The following RAPGEF5 variants were observed in gnomAD, a reference collection of about 807,000 sequenced individuals.
RAPGEF5 encodes the protein M-Ras-regulated GEF.
In RAPGEF5, 65 loss-of-function variants were observed where a neutral mutation model predicts 125.2. That is an observed-to-expected ratio of 0.52 (90% CI 0.43 to 0.64). RAPGEF5 has a LOEUF of 0.64. RAPGEF5 is among the 30% of genes least tolerant of loss of function. The probability of loss-of-function intolerance (pLI) is 0.00; values close to 1 mark genes in which losing one functional copy is unlikely to be tolerated. For missense variants in RAPGEF5, 958 were observed against 1,048.1 expected, an observed-to-expected ratio of 0.91 and a Z score of 1.19; for synonymous variants, 391 against 385.9, an observed-to-expected ratio of 1.01 and a Z score of -0.16.
chr7:22,150,903 T>C (rs1562720107), intron 17 of RAPGEF5, among the ~76,000 whole-genome samples: 1 of 152,230 alleles, frequency 6.6e-6, no homozygotes, highest in African/African-American at 2.4e-5. Flanking sequence ...AATAATTGCA[T>C]TGATTTGCAA....
rs899020912 is a variant in RAPGEF5, at chr7:22,118,788, A to G, written c.*3618T>C. The G allele has an allele frequency of 3.9e-5, 6 of 152,580 alleles. No homozygotes were observed. Among genetic ancestry groups the G allele is most frequent in the African/African-American group, 1.4e-4 (6 of 41,410 alleles). 9.5% of individuals were successfully genotyped at this position (152,580 alleles called of 1,614,324 possible). A position where few individuals can be genotyped will look rare whatever the true frequency, so the allele number is the denominator to read the frequency against. On this transcript the variant is annotated 3_prime_UTR_variant, in exon 26 of 26. Coordinates refer to ENST00000665637, the MANE Select transcript of RAPGEF5 (RefSeq NM_012294.5). ...AGTGTGATACGAATACAATAAATAG[A>G]CTATGCAAATAAATATTACTCTGCT...
chr7:22,228,052 A>T (rs1333002444), intron 8 of RAPGEF5, among the ~76,000 whole-genome samples: 1 of 152,228 alleles, frequency 6.6e-6, no homozygotes, highest in Non-Finnish European at 1.5e-5. Context: ...TACTTTAAAT[A>T]TTCCAACCAA....
rs374244510 is a variant in RAPGEF5, at chr7:22,156,906, G to C, written c.1558-18C>G. 1.9e-6 allele frequency: 3 copies of C among 1,613,700 alleles called. No individual in the cohort carries two copies. The African/African-American group carries it at 4.0e-5, about 22-fold the overall frequency. On this transcript the variant is annotated intron_variant, in intron 15 of 25. Transcript: ENST00000665637. ...GCTTTATTCTGTGAGATGGGAGAAA[G>C]AGAACAATGAATGAATACATTCCTG...
chr7:22,264,723 C>T (rs576681066), intron 7 of RAPGEF5, among the ~76,000 whole-genome samples: 28 of 152,270 alleles, frequency 1.8e-4, no homozygotes, highest in African/African-American at 5.8e-4. Flanking sequence ...CTTTCCAATC[C>T]CACTCTGTGT....
At chr7:22,292,349 C>G (rs1782954674) in intron 5 of RAPGEF5, among the ~76,000 whole-genome samples, 1 of 152,156 alleles carries the variant, frequency 6.6e-6, no homozygotes, top group Non-Finnish European at 1.5e-5. Flanking sequence ...AAAGTCCCAC[C>G]CTTCAAATCA....
intron 3 of RAPGEF5, among the ~76,000 whole-genome samples, chr7:22,310,673 A>G (rs1182422374): frequency 1.3e-5 from 2 of 152,002 alleles, no homozygotes; most frequent in African/African-American, 4.8e-5. Flanking sequence ...TTTGTTTGCT[A>G]TTCTTCAAAC....
At chr7:22,328,915 G>A (rs1045583875) in intron 1 of RAPGEF5, among the ~76,000 whole-genome samples, 5 of 152,204 alleles carry the variant, frequency 3.3e-5, no homozygotes, top group Admixed American at 1.3e-4. Flanking sequence ...GAAGCAACCT[G>A]ATTGCCTCAA....
Position 22,131,059 on chromosome 7 carries a change from T to G in RAPGEF5, c.2459A>C (p.Asn820Thr). The G allele has an allele frequency of 6.5e-7, 1 of 1,537,400 alleles. No individual in the cohort carries two copies. The highest frequency in any genetic ancestry group is 8.8e-7 in the Non-Finnish European group (1 of 1,141,406). ...IHEGNKTFLDNLVNFEKLHMI... is the reference protein window; with the variant it reads ...IHEGNKTFLDTLVNFEKLHMI... The stretch of plus-strand genomic sequence containing the variant: ...TACCAGCTTTTCAAAATTGACAAGA[T>G]TATCCAAAAAAGTTTTATTTCCTTC... Residue 820 changes from asparagine (N) to threonine (T), a missense_variant, in exon 24 of 26, where the codon AAT becomes ACT. Transcript: ENST00000665637.
chr7:22,143,194 AT>A (rs1386757326), intron 20 of RAPGEF5, among the ~76,000 whole-genome samples: 6 of 152,084 alleles, frequency 3.9e-5, no homozygotes, highest in Non-Finnish European at 8.8e-5. Flanking sequence ...CAATGGCCAA[AT>A]TTTTTTAAAA....
chr7:22,325,792 G>A (rs1281253821), intron 1 of RAPGEF5, among the ~76,000 whole-genome samples: 1 of 152,166 alleles, frequency 6.6e-6, no homozygotes, highest in Non-Finnish European at 1.5e-5. Context: ...TCAAACTCCT[G>A]AGATCAAGCA....
intron 8 of RAPGEF5, among the ~76,000 whole-genome samples, chr7:22,223,267 G>A (rs1035157068): frequency 2.6e-5 from 4 of 152,118 alleles, no homozygotes; most frequent in Non-Finnish European, 5.9e-5. Flanking sequence ...CTTCAAGGAG[G>A]AAGAAGTGAA....
At chr7:22,337,776 A>G (rs7794152) in intron 1 of RAPGEF5, among the ~76,000 whole-genome samples, 91,312 of 152,006 alleles carry the variant, frequency 0.6, 27,750 homozygotes, top group East Asian at 0.87. Flanking sequence ...CCAGTGGGGA[A>G]TACAGCAGTG....
intron 7 of RAPGEF5, among the ~76,000 whole-genome samples, chr7:22,255,828 A>G (rs1344903035): frequency 2.0e-5 from 3 of 152,168 alleles, no homozygotes; most frequent in Non-Finnish European, 4.4e-5. Context: ...CAGAATAAGA[A>G]TGCCTTTTCA....
intron 11 of RAPGEF5, among the ~76,000 whole-genome samples, chr7:22,167,840 T>C (rs1784220912): frequency 6.6e-6 from 1 of 152,190 alleles, no homozygotes; most frequent in African/African-American, 2.4e-5. Flanking sequence ...GTGCTTTAAG[T>C]GTTCTTGGAA....
intron 11 of RAPGEF5, among the ~76,000 whole-genome samples, chr7:22,177,227 C>T (rs530424292): frequency 6.6e-6 from 1 of 152,288 alleles, no homozygotes; most frequent in African/African-American, 2.4e-5. Context: ...AGGCATCCTC[C>T]ACACCCCAGG....
intron 6 of RAPGEF5, among the ~76,000 whole-genome samples, chr7:22,271,329 C>G (rs145176920): frequency 6.6e-6 from 1 of 152,298 alleles, no homozygotes; most frequent in East Asian, 1.9e-4. Flanking sequence ...AAGTATCTTA[C>G]TTTCTCCAAG....
chr7:22,349,092 GAA>G (rs56081120), intron 1 of RAPGEF5, among the ~76,000 whole-genome samples: 27,827 of 120,442 alleles, frequency 0.23, 2,761 homozygotes, highest in Admixed American at 0.29. Context: ...CTGCCTAAAA[GAA>G]AAAAAAAAAA....
intron 11 of RAPGEF5, chr7:22,192,430 G>T (rs1038400336): frequency 6.6e-6 from 1 of 152,152 alleles, no homozygotes; most frequent in African/African-American, 2.4e-5. Flanking sequence ...AAACTCCAGG[G>T]ACACAAGGAA....
rs915288279 is a variant in RAPGEF5 at position 22,130,914 on chromosome 7, C to T, written c.2481+123G>A. On this transcript the variant is annotated intron_variant, in intron 24 of 25. Transcript: ENST00000665637. Reference sequence around the variant, plus strand: ...AAGCTCCTTGAATGAAGCAAATAAGCTCCTTGAATTCGCCATGCATCCAAT... The same window carrying T: ...AAGCTCCTTGAATGAAGCAAATAAGTTCCTTGAATTCGCCATGCATCCAAT... 6 of 1,337,366 alleles carry T rather than the reference C, an allele frequency of 4.5e-6. No individual in the cohort carries two copies. The African/African-American group carries it at 7.5e-5, about 17-fold the overall frequency. 82.8% of individuals were successfully genotyped at this position (1,337,366 alleles called of 1,614,324 possible).
Sources: allele counts gnomAD v4.1 joint callset (sites outside exome capture counted in the v4.1 genomes callset), GRCh38; gene constraint gnomAD v4.1.1; transcripts MANE v1.5; gene names NCBI Gene and HGNC (gene_info 2026-07-23, HGNC 2026-07-21).